The following ZNF704 variants were observed in gnomAD, a reference collection of about 807,000 sequenced individuals.
The protein encoded by ZNF704 is zinc finger protein 704.
Under a neutral mutation model 44.7 loss-of-function variants are expected in ZNF704, and 10 were observed. That is an observed-to-expected ratio of 0.22 (90% CI 0.14 to 0.38). The LOEUF is 0.38. Among genes scored for constraint, ZNF704 ranks in the 10% least tolerant of loss-of-function variants. The pLI, the probability that ZNF704 is intolerant of heterozygous loss-of-function variation, is 1.00. For synonymous variants in ZNF704, 211 were observed against 207.6 expected, an observed-to-expected ratio of 1.02 and a Z score of -0.14; for missense variants, 390 against 545.5, an observed-to-expected ratio of 0.71 and a Z score of 2.84.
intron 2 of ZNF704, among the ~76,000 whole-genome samples, chr8:80,744,091 A>T (rs1806806853): frequency 6.6e-6 from 1 of 152,202 alleles, no homozygotes; most frequent in Admixed American, 6.5e-5. Flanking sequence ...TAAACACCAG[A>T]TTTCTAAGAT....
chr8:80,796,485 G>A (rs1038478765), intron 2 of ZNF704, among the ~76,000 whole-genome samples: 3 of 152,096 alleles, frequency 2.0e-5, no homozygotes, highest in African/African-American at 2.4e-5. Context: ...TCAACATGAG[G>A]GAACAAACAT....
chr8:80,755,778 C>T (rs994523355), intron 2 of ZNF704, among the ~76,000 whole-genome samples: 3 of 152,130 alleles, frequency 2.0e-5, no homozygotes, highest in Non-Finnish European at 4.4e-5. Context: ...GCACAAACAA[C>T]AGTACCCCCA....
intron 1 of ZNF704, among the ~76,000 whole-genome samples, chr8:80,870,428 T>C (rs1809232257): frequency 6.6e-6 from 1 of 152,182 alleles, no homozygotes; most frequent in African/African-American, 2.4e-5. Flanking sequence ...CTCAGCCTAC[T>C]CCAAGCACAT....
intron 2 of ZNF704, among the ~76,000 whole-genome samples, chr8:80,696,798 A>G (rs1020917850): frequency 2.0e-5 from 3 of 152,180 alleles, no homozygotes; most frequent in Non-Finnish European, 2.9e-5. Flanking sequence ...CACAAAATTG[A>G]TTTATGTTTC....
At chr8:80,821,290 G>A in intron 2 of ZNF704, 84 bp downstream of exon 2, 5 of 1,366,202 alleles carry the variant, frequency 3.7e-6, no homozygotes, top group Non-Finnish European at 5.2e-6. Flanking sequence ...ATATACTGAA[G>A]AGAGTCTGTA....
At chr8:80,818,081 T>C (rs1238714157) in intron 2 of ZNF704, among the ~76,000 whole-genome samples, 1 of 152,196 alleles carries the variant, frequency 6.6e-6, no homozygotes, top group Non-Finnish European at 1.5e-5. Flanking sequence ...TTCCCAGATC[T>C]CTCTAGTTAC....
chr8:80,797,531 T>C (rs1657753101), intron 2 of ZNF704, among the ~76,000 whole-genome samples: 1 of 152,134 alleles, frequency 6.6e-6, no homozygotes. Context: ...GCTTGTACCT[T>C]TCAGAGTGGC....
intron 2 of ZNF704, among the ~76,000 whole-genome samples, chr8:80,747,433 CTCTTT>C (rs1806866139): frequency 1.3e-5 from 2 of 152,154 alleles, no homozygotes; most frequent in Non-Finnish European, 2.9e-5. Context: ...TTTGCATTTG[CTCTTT>C]TATTTTATAT....
intron 2 of ZNF704, among the ~76,000 whole-genome samples, chr8:80,806,794 A>G (rs993460548): frequency 6.6e-6 from 1 of 152,238 alleles, no homozygotes; most frequent in Admixed American, 6.5e-5. Flanking sequence ...GTTAAAGAAA[A>G]GGCTGACACC....
chr8:80,843,179 A>T (rs1199030), intron 1 of ZNF704, among the ~76,000 whole-genome samples: 105,607 of 152,166 alleles, frequency 0.69, 38,387 homozygotes, highest in African/African-American at 0.92. Context: ...TTTTCTAAGA[A>T]GATGTCATTT....
chr8:80,669,084 T>A (rs1276627386), intron 5 of ZNF704, among the ~76,000 whole-genome samples: 1 of 152,194 alleles, frequency 6.6e-6, no homozygotes, highest in Non-Finnish European at 1.5e-5. Flanking sequence ...CTCACAGGAC[T>A]AACACGTGAT....
intron 7 of ZNF704, among the ~76,000 whole-genome samples, chr8:80,653,859 C>T (rs1817964118): frequency 6.6e-6 from 1 of 151,986 alleles, no homozygotes; most frequent in African/African-American, 2.4e-5. Context: ...CATATGGAAC[C>T]AAAAAAGAGC....
intron 4 of ZNF704, among the ~76,000 whole-genome samples, chr8:80,682,071 C>T (rs1585948718): frequency 6.6e-6 from 1 of 152,180 alleles, no homozygotes; most frequent in African/African-American, 2.4e-5. Context: ...ACAGATGGAT[C>T]TATTTCTGGA....
At chr8:80,766,836 C>T (rs180774114) in intron 2 of ZNF704, among the ~76,000 whole-genome samples, 27 of 152,218 alleles carry the variant, frequency 1.8e-4, no homozygotes, top group East Asian at 3.9e-4. Flanking sequence ...CCTCAGCCTC[C>T]GGAGTAGCTG....
At chr8:80,698,718 C>T (rs914814227) in intron 2 of ZNF704, among the ~76,000 whole-genome samples, 7 of 152,224 alleles carry the variant, frequency 4.6e-5, no homozygotes, top group African/African-American at 1.4e-4. Flanking sequence ...TCATCTACTA[C>T]ATGAAGAGGC....
At chr8:80,681,182 G>A (rs897531199) in intron 4 of ZNF704, among the ~76,000 whole-genome samples, 1 of 152,096 alleles carries the variant, frequency 6.6e-6, no homozygotes. Context: ...ATAAACATTT[G>A]TCTGCAAGTT....
intron 3 of ZNF704, 84 bp downstream of exon 3, chr8:80,692,920 C>T (rs550508814): frequency 3.5e-4 from 443 of 1,264,920 alleles, no homozygotes; most frequent in Non-Finnish European, 4.4e-4. Context: ...GTTCATAGCG[C>T]TTGACAGGAA....
At position 80,822,271 on chromosome 8, in the gene ZNF704, C is replaced by T. The variant is rs866520744; in HGVS notation, c.-21-656G>A. Among the ~76,000 whole-genome samples, 203 of 145,928 alleles carry T rather than the reference C, an allele frequency of 1.4e-3. 3 individuals are homozygous for T. The highest frequency in any genetic ancestry group is 4.6e-3 in the African/African-American group (171 of 37,104). On this transcript the variant is annotated intron_variant, in intron 1 of 8. Transcript: ENST00000327835. ...ATCTCCTAATGCTATCCCTTCCCCC[C>T]CGCCCCCAACCCATGACAGGCCCCG...
intron 2 of ZNF704, among the ~76,000 whole-genome samples, chr8:80,751,657 C>T (rs1317230235): frequency 1.3e-5 from 2 of 152,162 alleles, no homozygotes; most frequent in Non-Finnish European, 2.9e-5. Flanking sequence ...TTGCTTGATG[C>T]TAAAGTGTGA....
Sources: allele counts gnomAD v4.1 joint callset (sites outside exome capture counted in the v4.1 genomes callset), GRCh38; gene constraint gnomAD v4.1.1; transcripts MANE v1.5; gene names NCBI Gene and HGNC (gene_info 2026-07-23, HGNC 2026-07-21).